IL12RB2: variants seen among roughly 807,000 people sequenced by gnomAD.
IL12RB2 encodes the protein interleukin 12 receptor subunit beta 2, also known as interleukin-12 receptor subunit beta-2.
IL12RB2 carries 82 observed loss-of-function variants against 89.4 expected under a neutral mutation model. The ratio of observed to expected loss-of-function variants is 0.92; its 90% confidence interval spans 0.77 to 1.10. The LOEUF is 1.10. Among genes scored for constraint, IL12RB2 ranks in the 50% least tolerant of loss-of-function variants. The pLI, the probability that IL12RB2 is intolerant of heterozygous loss-of-function variation, is 0.00. For missense variants in IL12RB2, 963 were observed against 1,031.9 expected (o/e 0.93, Z 0.92); for synonymous variants, 368 against 370.1 (o/e 0.99, Z 0.07).
intron 1 of IL12RB2, among the ~76,000 whole-genome samples, chr1:67,310,387 C>T (rs1654888666): frequency 6.6e-6 from 1 of 151,956 alleles, no homozygotes; most frequent in East Asian, 1.9e-4. Flanking sequence ...AAATGTAAGG[C>T]CCAGTTCATG....
At chr1:67,340,762 G>T (rs1659433705) in intron 9 of IL12RB2, among the ~76,000 whole-genome samples, 1 of 152,206 alleles carries the variant, frequency 6.6e-6, no homozygotes, top group Non-Finnish European at 1.5e-5. Flanking sequence ...ATAAGTATGT[G>T]TTGGCCATGA....
intron 4 of IL12RB2, among the ~76,000 whole-genome samples, chr1:67,322,903 C>T (rs1396426598): frequency 1.3e-5 from 2 of 152,224 alleles, no homozygotes; most frequent in African/African-American, 2.4e-5. Flanking sequence ...GCAGGTCCAA[C>T]CAGGCAATCC....
intron 8 of IL12RB2, among the ~76,000 whole-genome samples, chr1:67,336,384 T>C (rs1468439512): frequency 2.0e-5 from 3 of 152,192 alleles, no homozygotes; most frequent in African/African-American, 7.2e-5. Context: ...AGGTGGTTAG[T>C]GAACGTCATA....
chr1:67,379,862 T>A, intron 13 of IL12RB2, 124 bp from the exon 14 acceptor site: 2 of 817,814 alleles, frequency 2.4e-6, no homozygotes, highest in South Asian at 2.9e-5. Context: ...TGGACTATTT[T>A]AAAATAGCAA....
At chr1:67,308,566 T>C (rs1654594086) in intron 1 of IL12RB2, among the ~76,000 whole-genome samples, 1 of 152,132 alleles carries the variant, frequency 6.6e-6, no homozygotes, top group Non-Finnish European at 1.5e-5. Flanking sequence ...GCCTCAGTTT[T>C]CTCTTCTGTG....
At chr1:67,342,528 TGAGTGTGTGGAAGGCGTGG>T (rs1282249971) in intron 9 of IL12RB2, among the ~76,000 whole-genome samples, 2 of 151,858 alleles carry the variant, frequency 1.3e-5, no homozygotes, top group African/African-American at 4.8e-5. Flanking sequence ...TGTAAGGATG[TGAGTGTGTGGAAGGCGTGG>T]GAGTGTGGGG....
intron 9 of IL12RB2, among the ~76,000 whole-genome samples, chr1:67,342,805 G>A (rs547821416): frequency 2.2e-5 from 3 of 137,082 alleles, no homozygotes; most frequent in Non-Finnish European, 4.7e-5. Flanking sequence ...TGTCCCCCAG[G>A]CTGAAGTGTG....
intron 1 of IL12RB2, among the ~76,000 whole-genome samples, chr1:67,308,910 C>T (rs940939583): frequency 1.3e-5 from 2 of 152,056 alleles, no homozygotes; most frequent in African/African-American, 4.8e-5. Flanking sequence ...ATCCCAGCTA[C>T]TCGGGAGACT....
chr1:67,309,364 G>A (rs139697405), intron 1 of IL12RB2, among the ~76,000 whole-genome samples: 1 of 152,160 alleles, frequency 6.6e-6, no homozygotes, highest in East Asian at 1.9e-4. Flanking sequence ...CACCTCTCTG[G>A]CTCAGAACCT....
Position 67,334,351 on chromosome 1 carries a change from C to T in IL12RB2, c.958+3541C>T, listed in dbSNP as rs139533042. Among the ~76,000 whole-genome samples the T allele has an allele frequency of 4.6e-3, 703 of 152,324 alleles. 5 individuals carry two copies. The highest frequency in any genetic ancestry group is 0.016 in the African/African-American group (680 of 41,574). On this transcript the variant is annotated intron_variant, in intron 8 of 16. Coordinates refer to ENST00000674203, the MANE Select transcript of IL12RB2 (RefSeq NM_001374259.2). The stretch of plus-strand genomic sequence containing the variant: ...CGATCTGTCGCAACTGCTAAATGTG[C>T]TATTGTCACATGCAAGCTGCCATTG...
intron 9 of IL12RB2, among the ~76,000 whole-genome samples, chr1:67,347,327 A>G (rs1660349624): frequency 6.6e-6 from 1 of 151,738 alleles, no homozygotes; most frequent in South Asian, 2.1e-4. Flanking sequence ...TATTATTTGC[A>G]TCAGGGGAAG....
intron 9 of IL12RB2, among the ~76,000 whole-genome samples, chr1:67,347,164 A>T (rs886160595): frequency 6.6e-6 from 1 of 152,232 alleles, no homozygotes; most frequent in African/African-American, 2.4e-5. Flanking sequence ...ATCTGCTCTA[A>T]TAAGAAAAAA....
chr1:67,325,388 C>T (rs2100634976), intron 4 of IL12RB2, among the ~76,000 whole-genome samples: 2 of 150,604 alleles, frequency 1.3e-5, no homozygotes, highest in South Asian at 4.2e-4. Context: ...TCAGCCTCCT[C>T]AGTAGCTGGA....
At chr1:67,329,909 A>T (rs1378976923) in intron 7 of IL12RB2, among the ~76,000 whole-genome samples, 180 bp downstream of exon 7, 1 of 152,126 alleles carries the variant, frequency 6.6e-6, no homozygotes, top group African/African-American at 2.4e-5. Flanking sequence ...TTGAATTTTG[A>T]TCTCTGATTC....
intron 9 of IL12RB2, among the ~76,000 whole-genome samples, chr1:67,339,080 A>T (rs1659214822): frequency 6.7e-6 from 1 of 148,586 alleles, no homozygotes; most frequent in Admixed American, 6.7e-5. Flanking sequence ...TTTGGGAAAC[A>T]AAAGATGAAA....
chr1:67,312,708 C>T (rs1284954245), intron 1 of IL12RB2, among the ~76,000 whole-genome samples: 1 of 128,518 alleles, frequency 7.8e-6, no homozygotes, highest in Non-Finnish European at 1.7e-5. Flanking sequence ...AAGGAGAAAA[C>T]ACATTGAATT....
chr1:67,382,979 A>G (rs1160572405), intron 14 of IL12RB2, among the ~76,000 whole-genome samples: 1 of 151,962 alleles, frequency 6.6e-6, no homozygotes, highest in Non-Finnish European at 1.5e-5. Flanking sequence ...CATTGCATAT[A>G]CCCCTGTTTT....
intron 16 of IL12RB2, among the ~76,000 whole-genome samples, chr1:67,394,628 C>A (rs1302763011): frequency 1.3e-5 from 2 of 152,186 alleles, no homozygotes; most frequent in African/African-American, 4.8e-5. Context: ...TATTACCTTG[C>A]CTGAAACCTT....
At chr1:67,376,396 G>A (rs1663992528) in intron 13 of IL12RB2, among the ~76,000 whole-genome samples, 2 of 152,146 alleles carry the variant, frequency 1.3e-5, no homozygotes, top group Admixed American at 6.5e-5. Context: ...CAGCTGTTTT[G>A]TCTAGTACCA....
Sources: allele counts gnomAD v4.1 joint callset (sites outside exome capture counted in the v4.1 genomes callset), GRCh38; gene constraint gnomAD v4.1.1; transcripts MANE v1.5; gene names NCBI Gene and HGNC (gene_info 2026-07-23, HGNC 2026-07-21).